Variants in MEIKIN observed in about 807,000 individuals in gnomAD.
The protein encoded by MEIKIN is meiotic kinetochore factor, also known as meiosis-specific kinetochore protein.
rs575094991 is a variant in MEIKIN at position 131,852,880 on chromosome 5, A to G, written c.856-1497T>C. 5.8e-4 allele frequency among the ~76,000 whole-genome samples: 88 copies of G among 152,242 alleles called. 1 individual carries two copies. In the South Asian group the frequency reaches 0.018, roughly 31 times the overall value. Reference sequence around the variant, plus strand: ...ACTAAATTAGTTTTGCCACGAAAAAAATCATTTTGGTACATTTGTTATTCA... The same window carrying G: ...ACTAAATTAGTTTTGCCACGAAAAAGATCATTTTGGTACATTTGTTATTCA... On this transcript the variant is annotated intron_variant, in intron 10 of 12. Coordinates refer to ENST00000442687, the MANE Select transcript of MEIKIN (RefSeq NM_001303622.2).
chr5:131,898,507 G>T (rs1751093647), intron 8 of MEIKIN, among the ~76,000 whole-genome samples: 1 of 152,244 alleles, frequency 6.6e-6, no homozygotes, highest in Non-Finnish European at 1.5e-5. Flanking sequence ...GCTGCCTTTT[G>T]TTCAGCTATG....
chr5:131,850,759 C>T (rs1404298630), intron 11 of MEIKIN, among the ~76,000 whole-genome samples: 4 of 151,748 alleles, frequency 2.6e-5, no homozygotes, highest in South Asian at 2.1e-4. Flanking sequence ...GGCACCATAA[C>T]GAAACCCAGT....
Position 131,895,565 on chromosome 5 carries a change from C to T in MEIKIN, c.703+16250G>A, listed in dbSNP as rs554522608. On this transcript the variant is annotated intron_variant, in intron 8 of 12. Coordinates refer to ENST00000442687, the MANE Select transcript of MEIKIN (RefSeq NM_001303622.2). The stretch of plus-strand genomic sequence containing the variant: ...ATATTAATAATTGCCTCAATTTCAG[C>T]GCCTGTTATTGGTCTATTCAGAGAG... 5.2e-4 allele frequency among the ~76,000 whole-genome samples: 79 copies of T among 152,148 alleles called. 1 individual carries two copies. The highest frequency in any genetic ancestry group is 1.6e-3 in the African/African-American group (66 of 41,544).
At chr5:131,918,288 A>G (rs906178100) in intron 6 of MEIKIN, among the ~76,000 whole-genome samples, 3 of 152,172 alleles carry the variant, frequency 2.0e-5, no homozygotes, top group East Asian at 3.8e-4. Flanking sequence ...TTATTGCTGA[A>G]TTTTTCAAGT....
chr5:131,818,342 G>A (rs183621899), intron 12 of MEIKIN, among the ~76,000 whole-genome samples: 118 of 152,148 alleles, frequency 7.8e-4, no homozygotes, highest in Middle Eastern at 3.4e-3. Flanking sequence ...AGTGCCATAC[G>A]CTAATTTTTC....
chr5:131,922,714 C>T (rs1266436883), intron 5 of MEIKIN, among the ~76,000 whole-genome samples: 1 of 152,154 alleles, frequency 6.6e-6, no homozygotes, highest in Non-Finnish European at 1.5e-5. Context: ...CCCACCTTTC[C>T]TACCTCTCCC....
intron 9 of MEIKIN, among the ~76,000 whole-genome samples, chr5:131,872,209 G>A (rs1182395823): frequency 6.6e-6 from 1 of 150,902 alleles, no homozygotes; most frequent in Non-Finnish European, 1.5e-5. Flanking sequence ...CGAGCTAAAG[G>A]AGGAAGTTCA....
At chr5:131,885,970 T>C (rs1476772868) in intron 8 of MEIKIN, among the ~76,000 whole-genome samples, 1 of 152,182 alleles carries the variant, frequency 6.6e-6, no homozygotes, top group Non-Finnish European at 1.5e-5. Flanking sequence ...GAAATTTAAA[T>C]AACTAAAAAG....
At chr5:131,834,043 A>G (rs1329146567) in intron 11 of MEIKIN, among the ~76,000 whole-genome samples, 2 of 152,188 alleles carry the variant, frequency 1.3e-5, no homozygotes, top group Admixed American at 6.5e-5. Context: ...AAAATGAGAG[A>G]GCTATGATGA....
intron 4 of MEIKIN, among the ~76,000 whole-genome samples, chr5:131,940,245 GA>G (rs1751846997): frequency 2.0e-5 from 3 of 152,182 alleles, no homozygotes; most frequent in Non-Finnish European, 2.9e-5. Context: ...GCAAAGAAGG[GA>G]GAGGAAGAAG....
chr5:131,926,857 G>A (rs368326178), intron 5 of MEIKIN, among the ~76,000 whole-genome samples: 3 of 152,020 alleles, frequency 2.0e-5, no homozygotes, highest in South Asian at 4.1e-4. Context: ...TGTGGCATCA[G>A]GTATAATGTC....
In MEIKIN at chr5:131,807,526, T is replaced by G. The variant is rs148481233; in HGVS notation, c.1100-268A>C. ...TTCTGGTGGAAAGCCCAGCAAAAAT[T>G]GCTGTCAGTGGCCATCACAGAGCCT... On this transcript the variant is annotated intron_variant, in intron 12 of 12. Transcript: ENST00000442687. Among the ~76,000 whole-genome samples, 717 of 152,328 alleles carry G rather than the reference T, an allele frequency of 4.7e-3. 13 individuals carry two copies. The highest frequency in any genetic ancestry group is 3.6e-3 in the Non-Finnish European group (246 of 68,022).
intron 8 of MEIKIN, among the ~76,000 whole-genome samples, chr5:131,889,985 T>C (rs1580892376): frequency 6.6e-6 from 1 of 152,202 alleles, no homozygotes; most frequent in Non-Finnish European, 1.5e-5. Context: ...GGTTTTTGTC[T>C]TTGGTTCTAT....
At chr5:131,809,744 T>G (rs1445664288) in intron 12 of MEIKIN, among the ~76,000 whole-genome samples, 1 of 151,144 alleles carries the variant, frequency 6.6e-6, no homozygotes, top group Non-Finnish European at 1.5e-5. Flanking sequence ...AGTCGGAGGT[T>G]GCAGTGAGCT....
chr5:131,933,258 T>C (rs1018494626), intron 5 of MEIKIN, among the ~76,000 whole-genome samples: 1 of 152,146 alleles, frequency 6.6e-6, no homozygotes, highest in African/African-American at 2.4e-5. Context: ...AGGTGCAAAA[T>C]TGATTAATAA....
At chr5:131,915,717 A>G (rs779096233) in intron 7 of MEIKIN, among the ~76,000 whole-genome samples, 4 of 152,212 alleles carry the variant, frequency 2.6e-5, no homozygotes, top group Non-Finnish European at 5.9e-5. Context: ...TAAATGGATG[A>G]CAGTAAGTAA....
intron 5 of MEIKIN, among the ~76,000 whole-genome samples, chr5:131,925,360 G>T (rs932528394): frequency 6.6e-6 from 1 of 152,160 alleles, no homozygotes; most frequent in Non-Finnish European, 1.5e-5. Context: ...TTTGTAGACT[G>T]CTTTGGGTGT....
chr5:131,818,090 T>C (rs370643677), intron 12 of MEIKIN, among the ~76,000 whole-genome samples: 3 of 152,204 alleles, frequency 2.0e-5, no homozygotes, highest in African/African-American at 7.2e-5. Flanking sequence ...TCCTTACTAC[T>C]TTAAATCTCA....
intron 10 of MEIKIN, among the ~76,000 whole-genome samples, chr5:131,852,793 A>AG (rs1333903843): frequency 6.6e-6 from 1 of 152,158 alleles, no homozygotes; most frequent in African/African-American, 2.4e-5. Flanking sequence ...TAGTATACTG[A>AG]GTTTTATAAA....
Sources: gnomAD v4.1 joint callset for allele counts (sites outside exome capture counted in the v4.1 genomes callset) on GRCh38, gnomAD v4.1.1 for gene constraint, MANE v1.5 for transcripts, NCBI Gene and HGNC (gene_info 2026-07-23, HGNC 2026-07-21) for gene names.